Variants in HRH2 observed in about 807,000 individuals in gnomAD.
The protein encoded by HRH2 is histamine receptor H2.
Under a neutral mutation model 20.1 loss-of-function variants are expected in HRH2, and 4 were observed. That is an observed-to-expected ratio of 0.20 (90% CI 0.10 to 0.45). The LOEUF is 0.45. Among genes scored for constraint, HRH2 ranks in the 20% least tolerant of loss-of-function variants. The probability of loss-of-function intolerance (pLI) is 0.99; values close to 1 mark genes in which losing one functional copy is unlikely to be tolerated. For synonymous variants in HRH2, 197 were observed against 200.7 expected (o/e 0.98, Z 0.16); for missense variants, 250 against 461.6 (o/e 0.54, Z 4.20).
chr5:175,692,468 T>G (rs563445218), intron 2 of HRH2, among the ~76,000 whole-genome samples: 1 of 152,358 alleles, frequency 6.6e-6, no homozygotes, highest in African/African-American at 2.4e-5. Context: ...GCTTGCCCTC[T>G]CTGAGCCTCA....
rs1755814638 is a variant in HRH2 at position 175,677,906 on chromosome 5, G to A, written c.-525-4803G>A. 6.6e-6 allele frequency among the ~76,000 whole-genome samples: 1 copy of A among 152,180 alleles called. No individual in the cohort carries two copies. The highest frequency in any genetic ancestry group is 2.4e-5 in the African/African-American group (1 of 41,452). On this transcript the variant is annotated intron_variant, in intron 1 of 2. Coordinates refer to ENST00000636584, the MANE Select transcript of HRH2 (RefSeq NM_001367711.1). This position sits in a 1 kb window ranked among gnomAD's most constrained non-coding sequence, Gnocchi z 4.2. ...TCGAACTTCCCCTCCACCTGCCGGA[G>A]GCGTCTCAGGGTTCTTGGGCTACAA... is the stretch of plus-strand genomic sequence containing the variant.
At chr5:175,684,911 GAA>G (rs1276296169) in intron 2 of HRH2, among the ~76,000 whole-genome samples, 2 of 152,164 alleles carry the variant, frequency 1.3e-5, no homozygotes, top group South Asian at 2.1e-4. Flanking sequence ...TAGGAAAGGT[GAA>G]AGAGTTAGAA....
chr5:175,693,508 C>A lies in HRH2; in HGVS notation c.1076+9199C>A, dbSNP rs961342134. ...CCATGGAGGACACTCAGTCCCTCCT[C>A]ACGTGAGGACTGACCACATCCCTTT... On this transcript the variant is annotated intron_variant, in intron 2 of 2. Transcript: ENST00000636584. The surrounding 1 kb of genome is among the most constrained non-coding windows in gnomAD (Gnocchi z 4.4). Among the ~76,000 whole-genome samples, 2 of 152,212 alleles carry A rather than the reference C, an allele frequency of 1.3e-5. No homozygotes were observed. The highest frequency in any genetic ancestry group is 2.9e-5 in the Non-Finnish European group (2 of 68,038).
Position 175,686,966 on chromosome 5 carries a change from C to T in HRH2, c.1076+2657C>T, listed in dbSNP as rs1004250335. On this transcript the variant is annotated intron_variant, in intron 2 of 2. Coordinates refer to ENST00000636584, the MANE Select transcript of HRH2 (RefSeq NM_001367711.1). The surrounding 1 kb of genome is among the most constrained non-coding windows in gnomAD (Gnocchi z 4.7). ...TCTCCTGCTCTGATCCTCGTGGGCA[C>T]CCTGGGTGGGAGGCTGTGAAGAAAC... is the stretch of plus-strand genomic sequence containing the variant. Among the ~76,000 whole-genome samples the T allele has an allele frequency of 2.6e-5, 4 of 152,184 alleles. No individual in the cohort carries two copies. The highest frequency in any genetic ancestry group is 9.7e-5 in the African/African-American group (4 of 41,432).
chr5:175,685,384 G>A, intron 2 of HRH2: 3 of 1,542,064 alleles, frequency 1.9e-6, no homozygotes, highest in Non-Finnish European at 2.6e-6. Flanking sequence ...CTCAATAAAT[G>A]TTGCTTTCCT....
chr5:175,706,250 A>G (rs1406998677), intron 2 of HRH2, among the ~76,000 whole-genome samples: 1 of 152,190 alleles, frequency 6.6e-6, no homozygotes. Flanking sequence ...TAAGCCATGT[A>G]TATGTGTTTT....
At chr5:175,707,095 T>A (rs1417617760) in intron 2 of HRH2, among the ~76,000 whole-genome samples, 1 of 152,202 alleles carries the variant, frequency 6.6e-6, no homozygotes, top group Non-Finnish European at 1.5e-5. Flanking sequence ...CTTACTTTTA[T>A]ATGTATTCTG....
intron 1 of HRH2, among the ~76,000 whole-genome samples, chr5:175,659,486 A>C (rs927047014): frequency 6.6e-6 from 1 of 152,102 alleles, no homozygotes; most frequent in Non-Finnish European, 1.5e-5. Flanking sequence ...CAGGCCTGGT[A>C]CTCGGTGCAT....
chr5:175,683,042 T>C lies in HRH2; in HGVS notation c.-192T>C. The stretch of plus-strand genomic sequence containing the variant: ...TAGAAGGTGTTGCTTAATTTATTTC[T>C]AGAAAAGCAGCCCAGAGTCAGTCAT... On this transcript the variant is annotated 5_prime_UTR_variant, in exon 2 of 3. An upstream open reading frame in the 5' UTR loses its in-frame stop. Transcript: ENST00000636584. The C allele has an allele frequency of 1.6e-6, 1 of 640,048 alleles. No homozygotes were observed. The highest frequency in any genetic ancestry group is 2.6e-6 in the Non-Finnish European group (1 of 384,144). The allele number at this position is 640,048 out of a possible 1,614,324, so 39.6% of individuals were successfully genotyped here.
chr5:175,665,905 GA>G lies in HRH2; in HGVS notation c.-526+7760del, dbSNP rs552986666. ...TGCAGAGACCACAAGATATTTTTGG[GA>G]AAAAAAAAAGAGCCAACAGTTTTAA... On this transcript the variant is annotated intron_variant, in intron 1 of 2. Transcript: ENST00000636584. Among the ~76,000 whole-genome samples, 619 of 147,206 alleles carry G rather than the reference GA, an allele frequency of 4.2e-3. 2 individuals are homozygous for G. Among genetic ancestry groups the G allele is most frequent in the Admixed American group, 0.01 (155 of 14,816 alleles).
intron 2 of HRH2, among the ~76,000 whole-genome samples, chr5:175,689,739 T>G (rs1756297765): frequency 6.6e-6 from 1 of 152,210 alleles, no homozygotes; most frequent in Non-Finnish European, 1.5e-5. Flanking sequence ...GGGAACAGAC[T>G]AACCCCTCTC....
In HRH2 at chr5:175,687,511, G is replaced by A. The variant is rs184644570; in HGVS notation, c.1076+3202G>A. Among the ~76,000 whole-genome samples the A allele has an allele frequency of 1.3e-5, 2 of 152,232 alleles. No homozygotes were observed. Among genetic ancestry groups the A allele is most frequent in the Admixed American group, 1.3e-4 (2 of 15,298 alleles). ...GCTGGCTGGTCCTCCCTTCCCTGTG[G>A]CCAACCAGCAGCCACCCCACAATGT... On this transcript the variant is annotated intron_variant, in intron 2 of 2. Transcript: ENST00000636584. The surrounding 1 kb of genome is among the most constrained non-coding windows in gnomAD (Gnocchi z 5.2).
chr5:175,679,305 C>A (rs1435596572), intron 1 of HRH2, among the ~76,000 whole-genome samples: 1 of 152,094 alleles, frequency 6.6e-6, no homozygotes, highest in South Asian at 2.1e-4. Flanking sequence ...AAAAACACCC[C>A]CTTTCTGTCC....
At chr5:175,702,091 A>AT (rs1176841793) in intron 2 of HRH2, among the ~76,000 whole-genome samples, 2 of 152,194 alleles carry the variant, frequency 1.3e-5, no homozygotes, top group African/African-American at 4.8e-5. Flanking sequence ...TATGCACGGC[A>AT]TGGGGGGCAA....
chr5:175,667,233 C>T (rs1357488066), intron 1 of HRH2, among the ~76,000 whole-genome samples: 1 of 152,074 alleles, frequency 6.6e-6, no homozygotes, highest in East Asian at 1.9e-4. Context: ...CACCTGAGGT[C>T]AGGAGTTCGC....
intron 2 of HRH2, among the ~76,000 whole-genome samples, chr5:175,691,607 G>A (rs995579460): frequency 3.9e-5 from 6 of 152,172 alleles, no homozygotes; most frequent in Non-Finnish European, 7.3e-5. Flanking sequence ...CAGCGGCTGG[G>A]CGTGGTGGCT....
In HRH2 at chr5:175,687,281, C is replaced by T. The variant is rs1410703154; in HGVS notation, c.1076+2972C>T. Among the ~76,000 whole-genome samples the T allele has an allele frequency of 1.3e-5, 2 of 152,162 alleles. No homozygotes were observed. Among genetic ancestry groups the T allele is most frequent in the African/African-American group, 4.8e-5 (2 of 41,440 alleles). ...GGCCTCGTGTGTCCCTCGATAAGCTCGGCTGCCAGTTTCCCTGCTGGCTGA... is the reference window on the plus strand; with the variant it reads ...GGCCTCGTGTGTCCCTCGATAAGCTTGGCTGCCAGTTTCCCTGCTGGCTGA... On this transcript the variant is annotated intron_variant, in intron 2 of 2. Transcript: ENST00000636584. The surrounding 1 kb of genome is among the most constrained non-coding windows in gnomAD (Gnocchi z 5.2).
At chr5:175,675,319 C>T (rs948513713) in intron 1 of HRH2, among the ~76,000 whole-genome samples, 6 of 152,164 alleles carry the variant, frequency 3.9e-5, no homozygotes, top group Admixed American at 1.3e-4. Flanking sequence ...GGTGATCTTA[C>T]GGCTGATGAT....
intron 2 of HRH2, among the ~76,000 whole-genome samples, chr5:175,699,853 G>A (rs1286125249): frequency 2.0e-5 from 3 of 152,168 alleles, no homozygotes; most frequent in Non-Finnish European, 4.4e-5. Flanking sequence ...GATTAGAGGC[G>A]TGATCTACTG....
Sources: allele counts gnomAD v4.1 joint callset (sites outside exome capture counted in the v4.1 genomes callset), GRCh38; gene constraint gnomAD v4.1.1; non-coding constraint Gnocchi (gnomAD v3.1); transcripts MANE v1.5; gene names NCBI Gene and HGNC (gene_info 2026-07-23, HGNC 2026-07-21).